Variants in FAM149B1 observed in about 807,000 individuals in gnomAD.
FAM149B1 encodes the protein primary cilium assembly protein FAM149B1.
In FAM149B1, 56 loss-of-function variants were observed where a neutral mutation model predicts 75.3. That is an observed-to-expected ratio of 0.74 (90% CI 0.60 to 0.93). The LOEUF (loss-of-function observed/expected upper bound fraction) is 0.93. Ranked by LOEUF, FAM149B1 falls within the 40% of genes least tolerant of loss-of-function variation. The pLI is 0.00. For missense variants in FAM149B1, 639 were observed against 708.4 expected, an observed-to-expected ratio of 0.90 and a Z score of 1.11; for synonymous variants, 259 against 256.1, an observed-to-expected ratio of 1.01 and a Z score of -0.11.
At chr10:73,217,822 G>T (rs914477881) in intron 7 of FAM149B1, among the ~76,000 whole-genome samples, 2 of 152,094 alleles carry the variant, frequency 1.3e-5, no homozygotes, top group African/African-American at 4.8e-5. Context: ...TCATGCATGG[G>T]CCACCTTAGA....
rs763949660 is a variant in FAM149B1 at position 73,243,375 on chromosome 10, A to C, written c.*2356A>C. 6.2e-7 allele frequency: 1 copy of C among 1,611,848 alleles called. No homozygotes were observed. The highest frequency in any genetic ancestry group is 1.7e-5 in the Admixed American group (1 of 60,000). ...CTACGATGGCATCAATTTACACCTA[A>C]GGACCTTTGAAGAGAAAAATTCCAT... On this transcript the variant is annotated 3_prime_UTR_variant, in exon 14 of 14. Coordinates refer to ENST00000242505, the MANE Select transcript of FAM149B1 (RefSeq NM_173348.2).
Position 73,234,955 on chromosome 10 carries a change from T to C in FAM149B1, c.1476+15T>C, listed in dbSNP as rs1318221289. 6.4e-7 allele frequency: 1 copy of C among 1,551,674 alleles called. No homozygotes were observed. Among genetic ancestry groups the C allele is most frequent in the Non-Finnish European group, 8.7e-7 (1 of 1,146,916 alleles). Reference sequence around the variant, plus strand: ...AAAGACAGATGGTATGTTTCTTTCATATTGCCTCTCCATGTACTTACCATA... The same window carrying C: ...AAAGACAGATGGTATGTTTCTTTCACATTGCCTCTCCATGTACTTACCATA... On this transcript the variant is annotated intron_variant, in intron 11 of 13. Coordinates refer to ENST00000242505, the MANE Select transcript of FAM149B1 (RefSeq NM_173348.2).
At chr10:73,202,456 CTTTT>C (rs201961924) in intron 5 of FAM149B1, among the ~76,000 whole-genome samples, 5 of 145,682 alleles carry the variant, frequency 3.4e-5, no homozygotes, top group Admixed American at 6.9e-5. Context: ...TGTTTGATAG[CTTTT>C]TTTTTTTTGT....
rs1564717200 is a variant in FAM149B1, at chr10:73,235,334, T to G, written c.1602+16T>G. On this transcript the variant is annotated intron_variant, in intron 12 of 13. Coordinates refer to ENST00000242505, the MANE Select transcript of FAM149B1 (RefSeq NM_173348.2). ...ATCATTTTTGGTAGAGTGACGTACT[T>G]CCTAGAATGGTCTTGATAGTTGGGG... The G allele has an allele frequency of 6.4e-7, 1 of 1,551,420 alleles. No individual in the cohort carries two copies. Among genetic ancestry groups the G allele is most frequent in the East Asian group, 2.4e-5 (1 of 40,916 alleles).
chr10:73,175,003 A>T (rs1467570355), intron 2 of FAM149B1, among the ~76,000 whole-genome samples: 1 of 152,220 alleles, frequency 6.6e-6, no homozygotes, highest in Non-Finnish European at 1.5e-5. Context: ...ATTATAAAGT[A>T]GTTAAGAACA....
At chr10:73,220,489 A>G (rs929417791) in intron 7 of FAM149B1, among the ~76,000 whole-genome samples, 1 of 152,204 alleles carries the variant, frequency 6.6e-6, no homozygotes, top group Non-Finnish European at 1.5e-5. Context: ...TAGCAGCATT[A>G]TTCATAATAG....
At chr10:73,211,963 C>T (rs978435219) in intron 7 of FAM149B1, among the ~76,000 whole-genome samples, 2 of 152,102 alleles carry the variant, frequency 1.3e-5, no homozygotes, top group Non-Finnish European at 2.9e-5. Context: ...TCCCACCTTT[C>T]GGAGTCTCCA....
chr10:73,242,955 T>G lies in FAM149B1; in HGVS notation c.*1936T>G, dbSNP rs545413954. 77 of 164,596 alleles carry G rather than the reference T, an allele frequency of 4.7e-4. No homozygotes were observed. Among genetic ancestry groups the G allele is most frequent in the Non-Finnish European group, 9.1e-4 (69 of 75,810 alleles). The allele number at this position is 164,596 out of a possible 1,614,324, so 10.2% of individuals were successfully genotyped here. A position where few individuals can be genotyped will look rare whatever the true frequency, so the allele number is the denominator to read the frequency against. Reference sequence around the variant, plus strand: ...TGAAGAGAGGATCTATTCAAGATCATTAAGACCAAATGTAAACTGGGAAGT... The same window carrying G: ...TGAAGAGAGGATCTATTCAAGATCAGTAAGACCAAATGTAAACTGGGAAGT... On this transcript the variant is annotated 3_prime_UTR_variant, in exon 14 of 14. Coordinates refer to ENST00000242505, the MANE Select transcript of FAM149B1 (RefSeq NM_173348.2).
chr10:73,222,802 G>A (rs2043447680), intron 7 of FAM149B1, among the ~76,000 whole-genome samples: 1 of 152,122 alleles, frequency 6.6e-6, no homozygotes, highest in South Asian at 2.1e-4. Flanking sequence ...CATCTTGGCT[G>A]GAAGCAGAAG....
intron 5 of FAM149B1, among the ~76,000 whole-genome samples, chr10:73,204,595 G>A (rs200581953): frequency 1.3e-5 from 2 of 152,064 alleles, no homozygotes; most frequent in Non-Finnish European, 2.9e-5. Context: ...TAAACCCACT[G>A]AAACAAATGA....
chr10:73,177,350 A>G (rs1844013395), intron 2 of FAM149B1, among the ~76,000 whole-genome samples: 1 of 151,826 alleles, frequency 6.6e-6, no homozygotes, highest in South Asian at 2.1e-4. Context: ...TGAGGTGGGC[A>G]GATTGCCTGA....
At chr10:73,213,626 C>T (rs1434562821) in intron 7 of FAM149B1, among the ~76,000 whole-genome samples, 1 of 152,080 alleles carries the variant, frequency 6.6e-6, no homozygotes, top group East Asian at 1.9e-4. Context: ...TTGACTTTGT[C>T]AAAGATCAGT....
intron 5 of FAM149B1, among the ~76,000 whole-genome samples, chr10:73,199,588 C>T (rs2042887505): frequency 6.6e-6 from 1 of 152,032 alleles, no homozygotes. Flanking sequence ...CCAGGCTGTC[C>T]TCAAACTCCT....
At chr10:73,209,891 C>T (rs557666790) in intron 6 of FAM149B1, among the ~76,000 whole-genome samples, 2 of 148,836 alleles carry the variant, frequency 1.3e-5, no homozygotes, top group Non-Finnish European at 3.0e-5. Context: ...TTTTTTTTTT[C>T]CCATTGCATT....
At chr10:73,179,660 G>A (rs1250265226) in intron 3 of FAM149B1, among the ~76,000 whole-genome samples, 1 of 151,542 alleles carries the variant, frequency 6.6e-6, no homozygotes, top group African/African-American at 2.4e-5. Flanking sequence ...ATGTGCTGAG[G>A]TTATAGGCAT....
intron 9 of FAM149B1, 169 bp downstream of exon 9, chr10:73,230,694 T>C (rs974405410): frequency 5.4e-6 from 3 of 556,060 alleles, no homozygotes; most frequent in African/African-American, 1.9e-5. Context: ...GCTGATAATG[T>C]AACTGGAAAG....
In FAM149B1 at chr10:73,230,508, C is replaced by T; in HGVS notation, c.1110C>T (p.Ser370=). The change falls in exon 9 of 14, where the codon TCC becomes TCT. Residue 370 remains serine (S), a synonymous_variant. Transcript: ENST00000242505. ...TGCCTCTACAGCCAAGAAATCTCTC[C>T]CTAATGGACAAGCTCCTGTAAGAAG... is the stretch of plus-strand genomic sequence containing the variant. ...HGMPLQPRNL[S]LMDKLLDLDD... 6.6e-7 allele frequency: 1 copy of T among 1,525,798 alleles called. No individual in the cohort carries two copies. The highest frequency in any genetic ancestry group is 1.4e-5 in the African/African-American group (1 of 72,610). The allele number at this position is 1,525,798 out of a possible 1,614,324, so 94.5% of individuals were successfully genotyped here.
In FAM149B1 at chr10:73,243,428, T is replaced by G; in HGVS notation, c.*2409T>G. ...TTTCTTTTCTTTCTTGAGAGCAGATTTTTTCCCTCCTCCTTTGGAAGATTT... is the reference window on the plus strand; with the variant it reads ...TTTCTTTTCTTTCTTGAGAGCAGATGTTTTCCCTCCTCCTTTGGAAGATTT... On this transcript the variant is annotated 3_prime_UTR_variant, in exon 14 of 14. Coordinates refer to ENST00000242505, the MANE Select transcript of FAM149B1 (RefSeq NM_173348.2). The G allele has an allele frequency of 6.2e-7, 1 of 1,613,996 alleles. No homozygotes were observed. Among genetic ancestry groups the G allele is most frequent in the Non-Finnish European group, 8.5e-7 (1 of 1,179,928 alleles).
At chr10:73,229,490 A>G (rs1017788964) in intron 8 of FAM149B1, among the ~76,000 whole-genome samples, 2 of 152,162 alleles carry the variant, frequency 1.3e-5, no homozygotes, top group African/African-American at 4.8e-5. Flanking sequence ...CAGGAGAATC[A>G]CTTGAACCTG....
Sources: allele counts gnomAD v4.1 joint callset (sites outside exome capture counted in the v4.1 genomes callset), GRCh38; gene constraint gnomAD v4.1.1; transcripts MANE v1.5; gene names NCBI Gene and HGNC (gene_info 2026-07-23, HGNC 2026-07-21).